The following DGLUCY variants were observed in gnomAD, a reference collection of about 807,000 sequenced individuals.
DGLUCY encodes D-glutamate cyclase, mitochondrial.
Under a neutral mutation model 58.5 loss-of-function variants are expected in DGLUCY, and 58 were observed. The observed-to-expected ratio is 0.99, with a 90% confidence interval of 0.80 to 1.23. The LOEUF is 1.23. Among genes scored for constraint, DGLUCY ranks in the 50% most tolerant of loss-of-function variants. The pLI is 0.00. For synonymous variants in DGLUCY, 325 were observed against 314.1 expected, an observed-to-expected ratio of 1.03 and a Z score of -0.37; for missense variants, 779 against 784.7, an observed-to-expected ratio of 0.99 and a Z score of 0.09.
intron 13 of DGLUCY, among the ~76,000 whole-genome samples, chr14:91,221,099 C>G (rs567925670): frequency 1.3e-5 from 2 of 152,354 alleles, no homozygotes; most frequent in Non-Finnish European, 1.5e-5. Flanking sequence ...GCCAGGCTCC[C>G]AGCCCCTCTC....
intron 1 of DGLUCY, among the ~76,000 whole-genome samples, chr14:91,143,247 C>T (rs564937528): frequency 1.3e-5 from 2 of 151,970 alleles, no homozygotes; most frequent in South Asian, 4.2e-4. Flanking sequence ...AGGCGCCCTC[C>T]ACCACGCCCG....
At chr14:91,194,779 T>C (rs1372620296) in intron 9 of DGLUCY, among the ~76,000 whole-genome samples, 3 of 152,164 alleles carry the variant, frequency 2.0e-5, no homozygotes, top group Admixed American at 6.6e-5. Flanking sequence ...GACCTCGTGA[T>C]CTGCCCGCCT....
At chr14:91,107,514 T>A (rs2044613079), upstream of DGLUCY, among the ~76,000 whole-genome samples, 1 of 151,800 alleles carries the variant, frequency 6.6e-6, no homozygotes, top group African/African-American at 2.4e-5. Flanking sequence ...TGAGACTCCA[T>A]CTCAAAAAAA....
At chr14:91,080,519 C>T (rs1430813763) in intron 1 of DGLUCY, among the ~76,000 whole-genome samples, 1 of 151,980 alleles carries the variant, frequency 6.6e-6, no homozygotes, top group African/African-American at 2.4e-5. Context: ...TACAGGTGCC[C>T]GCCACCACGC....
At chr14:91,201,561 T>G (rs1347411931) in intron 11 of DGLUCY, among the ~76,000 whole-genome samples, 4 of 152,100 alleles carry the variant, frequency 2.6e-5, no homozygotes, top group African/African-American at 9.7e-5. Flanking sequence ...CCTTCCAAAG[T>G]GCTGGGATTA....
chr14:91,194,514 G>A (rs1418357483), intron 9 of DGLUCY, among the ~76,000 whole-genome samples: 1 of 151,944 alleles, frequency 6.6e-6, no homozygotes, highest in Non-Finnish European at 1.5e-5. Flanking sequence ...TTAGGGAGGG[G>A]GGATGGGGAA....
At chr14:91,116,109 A>C (rs1337460414) in intron 1 of DGLUCY, among the ~76,000 whole-genome samples, 1 of 151,946 alleles carries the variant, frequency 6.6e-6, no homozygotes, top group African/African-American at 2.4e-5. Context: ...CACAAAACCA[A>C]CCCTCTCCTT....
At chr14:91,190,581 G>T (rs1322446712) in intron 9 of DGLUCY, among the ~76,000 whole-genome samples, 1 of 152,114 alleles carries the variant, frequency 6.6e-6, no homozygotes, top group Admixed American at 6.6e-5. Flanking sequence ...AGGGCGTGAG[G>T]CTTGGGCTGG....
intron 13 of DGLUCY, among the ~76,000 whole-genome samples, chr14:91,216,754 C>CT (rs1013121409): frequency 6.6e-6 from 1 of 152,118 alleles, no homozygotes; most frequent in Non-Finnish European, 1.5e-5. Flanking sequence ...CAGCAGGTAA[C>CT]TTTTGTCTGA....
At chr14:91,219,844 G>T (rs1887163735) in intron 13 of DGLUCY, among the ~76,000 whole-genome samples, 1 of 152,210 alleles carries the variant, frequency 6.6e-6, no homozygotes, top group South Asian at 2.1e-4. Flanking sequence ...AGGAGGTGGA[G>T]AACTTGGTCT....
At chr14:91,209,722 A>C (rs1885365902) in intron 12 of DGLUCY, among the ~76,000 whole-genome samples, 1 of 152,176 alleles carries the variant, frequency 6.6e-6, no homozygotes, top group East Asian at 1.9e-4. Flanking sequence ...AACAAAAAAG[A>C]AAATAAAACA....
intron 1 of DGLUCY, among the ~76,000 whole-genome samples, chr14:91,143,293 C>T (rs1272629902): frequency 6.6e-6 from 1 of 151,866 alleles, no homozygotes; most frequent in Non-Finnish European, 1.5e-5. Flanking sequence ...GACGGGGTTT[C>T]AATGTGTTAG....
chr14:91,074,581 T>C (rs2043988016), intron 1 of DGLUCY, among the ~76,000 whole-genome samples: 1 of 152,116 alleles, frequency 6.6e-6, no homozygotes, highest in Non-Finnish European at 1.5e-5. Context: ...ATTTTATGGC[T>C]AAAAAACATT....
intron 1 of DGLUCY, among the ~76,000 whole-genome samples, chr14:91,068,145 C>T (rs140353906): frequency 1.3e-4 from 20 of 151,678 alleles, no homozygotes; most frequent in Admixed American, 3.3e-4. Flanking sequence ...GACAGTCTTG[C>T]GAAGGGGGCA....
chr14:91,085,503 G>A (rs2044199306), intron 1 of DGLUCY, among the ~76,000 whole-genome samples: 1 of 150,910 alleles, frequency 6.6e-6, no homozygotes, highest in South Asian at 2.1e-4. Context: ...GAAGATTGGT[G>A]CCAGGACCCC....
At chr14:91,115,929 G>T (rs760864118) in intron 1 of DGLUCY, among the ~76,000 whole-genome samples, 1 of 152,216 alleles carries the variant, frequency 6.6e-6, no homozygotes, top group Non-Finnish European at 1.5e-5. Context: ...ACTGAGCTTT[G>T]CATTCCTTGA....
chr14:91,195,026 T>TAC (rs2050120057), intron 9 of DGLUCY, among the ~76,000 whole-genome samples: 1 of 152,128 alleles, frequency 6.6e-6, no homozygotes, highest in South Asian at 2.1e-4. Flanking sequence ...TTAACATGGG[T>TAC]ACGGTGCCTC....
chr14:91,125,544 C>G (rs1019838434), intron 1 of DGLUCY: 1 of 152,208 alleles, frequency 6.6e-6, no homozygotes, highest in Admixed American at 6.6e-5. Flanking sequence ...GCTTCCTTCT[C>G]GAGCCAGCTC....
chr14:91,154,592 C>T (rs1262317949), intron 1 of DGLUCY, among the ~76,000 whole-genome samples: 1 of 152,192 alleles, frequency 6.6e-6, no homozygotes, highest in Non-Finnish European at 1.5e-5. Context: ...CAGGCTTGCG[C>T]AGTTCCCAGC....
Sources: allele counts gnomAD v4.1 joint callset (sites outside exome capture counted in the v4.1 genomes callset), GRCh38; gene constraint gnomAD v4.1.1; transcripts MANE v1.5; gene names NCBI Gene and HGNC (gene_info 2026-07-23, HGNC 2026-07-21).